The following PPP1R9A variants were observed in gnomAD, a reference collection of about 807,000 sequenced individuals.
PPP1R9A encodes the protein protein phosphatase 1 regulatory subunit 9A, also known as neurabin-1.
In PPP1R9A, 59 loss-of-function variants were observed where a neutral mutation model predicts 141.9. That is an observed-to-expected ratio of 0.42 (90% CI 0.34 to 0.52). The LOEUF is 0.52. Among genes scored for constraint, PPP1R9A ranks in the 20% least tolerant of loss-of-function variants. The pLI, the probability that PPP1R9A is intolerant of heterozygous loss-of-function variation, is 0.10. For synonymous variants in PPP1R9A, 500 were observed against 569.7 expected, an observed-to-expected ratio of 0.88 and a Z score of 1.74; for missense variants, 1,444 against 1,611.9, an observed-to-expected ratio of 0.90 and a Z score of 1.78.
At chr7:94,988,497 G>A (rs920843052) in intron 2 of PPP1R9A, among the ~76,000 whole-genome samples, 2 of 152,008 alleles carry the variant, frequency 1.3e-5, no homozygotes, top group Non-Finnish European at 2.9e-5. Flanking sequence ...TTGGAGGGAT[G>A]AGCCAATTTC....
At chr7:95,111,236 A>C (rs1345745313) in intron 2 of PPP1R9A, 23 bp from the exon 3 acceptor site, 2 of 1,540,598 alleles carry the variant, frequency 1.3e-6, no homozygotes, top group East Asian at 2.3e-5. Context: ...CTGTATTATC[A>C]TCTTGTTGGC....
chr7:95,235,223 A>G (rs1796511732), intron 8 of PPP1R9A, among the ~76,000 whole-genome samples: 1 of 152,182 alleles, frequency 6.6e-6, no homozygotes, highest in African/African-American at 2.4e-5. Flanking sequence ...AGCAGAGTAA[A>G]CAGACAATCC....
At chr7:95,112,771 G>A (rs568537132) in intron 3 of PPP1R9A, among the ~76,000 whole-genome samples, 3 of 151,988 alleles carry the variant, frequency 2.0e-5, no homozygotes, top group Non-Finnish European at 4.4e-5. Context: ...GTCTTTTGCA[G>A]CAACATGGTT....
At chr7:95,283,893 T>C (rs1804758248) in intron 16 of PPP1R9A, 125 bp from the exon 17 acceptor site, 3 of 844,156 alleles carry the variant, frequency 3.6e-6, no homozygotes, top group Non-Finnish European at 5.3e-6. Context: ...GTGCAAACTT[T>C]TTACTCTGTT....
intron 2 of PPP1R9A, among the ~76,000 whole-genome samples, chr7:95,079,346 T>C (rs534286323): frequency 6.6e-6 from 1 of 152,314 alleles, no homozygotes; most frequent in South Asian, 2.1e-4. Flanking sequence ...TCTATATCTC[T>C]GTTTTGGTAC....
chr7:95,192,991 TAATAAC>T (rs975212123), intron 5 of PPP1R9A, among the ~76,000 whole-genome samples: 5 of 152,112 alleles, frequency 3.3e-5, no homozygotes, highest in African/African-American at 1.2e-4. Context: ...AGTTTCATCA[TAATAAC>T]AATAGTGCAT....
In PPP1R9A at chr7:95,132,044, T is replaced by A. The variant is rs186299320; in HGVS notation, c.1649+11212T>A. Among the ~76,000 whole-genome samples the A allele has an allele frequency of 2.6e-4, 40 of 152,340 alleles. No individual in the cohort carries two copies. In the East Asian group the frequency reaches 6.8e-3, roughly 26 times the overall value. On this transcript the variant is annotated intron_variant, in intron 4 of 19. Coordinates refer to ENST00000433360, the MANE Select transcript of PPP1R9A (RefSeq NM_001166160.2). ...CTGATTTTTGTGCATTGATTTTGTC[T>A]CTTAAAACTTTCCTGAAGTTGTTTA...
At position 95,115,930 on chromosome 7, in the gene PPP1R9A, A is replaced by AG. The variant is rs1238016245; in HGVS notation, c.1528+4539_1528+4540insG. On this transcript the variant is annotated intron_variant, in intron 3 of 19. Transcript: ENST00000433360. ...AGACTCTGTCTCAAAAAAAAAAAAA[A>AG]AAAGAAAGAAAGACTCATTAGGATC... is the stretch of plus-strand genomic sequence containing the variant. Among the ~76,000 whole-genome samples, 27 of 151,698 alleles carry AG rather than the reference A, an allele frequency of 1.8e-4. 1 individual carries two copies. The highest frequency in any genetic ancestry group is 5.6e-4 in the African/African-American group (23 of 41,310).
chr7:94,992,515 G>A (rs1801645035), intron 2 of PPP1R9A, among the ~76,000 whole-genome samples: 1 of 152,146 alleles, frequency 6.6e-6, no homozygotes, highest in Admixed American at 6.6e-5. Flanking sequence ...CGTATTGTAG[G>A]TGTATGTTTA....
chr7:94,992,159 C>G (rs1033827062), intron 2 of PPP1R9A, among the ~76,000 whole-genome samples: 2 of 152,210 alleles, frequency 1.3e-5, no homozygotes, highest in Non-Finnish European at 1.5e-5. Flanking sequence ...TCCCTTCCCC[C>G]ACTTCAGACA....
intron 2 of PPP1R9A, among the ~76,000 whole-genome samples, chr7:94,914,900 G>A (rs898101472): frequency 1.3e-5 from 2 of 152,168 alleles, no homozygotes; most frequent in Non-Finnish European, 2.9e-5. Flanking sequence ...CTCTCAGGCT[G>A]TTCCCAACTC....
chr7:95,256,883 GA>G (rs1799663749), intron 12 of PPP1R9A, among the ~76,000 whole-genome samples: 1 of 152,022 alleles, frequency 6.6e-6, no homozygotes, highest in Admixed American at 6.6e-5. Context: ...AGTCAGTGAT[GA>G]ATTTAACAAA....
At chr7:95,030,718 A>G (rs928785596) in intron 2 of PPP1R9A, among the ~76,000 whole-genome samples, 1 of 152,194 alleles carries the variant, frequency 6.6e-6, no homozygotes, top group African/African-American at 2.4e-5. Context: ...GCTGCCAGTA[A>G]TTTGATCGAC....
intron 2 of PPP1R9A, among the ~76,000 whole-genome samples, chr7:95,005,203 A>G (rs978344673): frequency 6.6e-6 from 1 of 151,914 alleles, no homozygotes; most frequent in South Asian, 2.1e-4. Flanking sequence ...TAATTTTTTC[A>G]TTTTTTCCAC....
intron 5 of PPP1R9A, among the ~76,000 whole-genome samples, chr7:95,197,823 A>AT (rs1836510687): frequency 6.6e-6 from 1 of 151,910 alleles, no homozygotes; most frequent in Non-Finnish European, 1.5e-5. Context: ...TAATTTTTGT[A>AT]TTTTTAGTAG....
intron 3 of PPP1R9A, among the ~76,000 whole-genome samples, chr7:95,113,090 G>A (rs1820851423): frequency 6.6e-6 from 1 of 152,124 alleles, no homozygotes; most frequent in South Asian, 2.1e-4. Context: ...TTTAAAAAAA[G>A]ACGTTCTTGA....
At chr7:94,952,318 G>A (rs987298449) in intron 2 of PPP1R9A, among the ~76,000 whole-genome samples, 3 of 152,180 alleles carry the variant, frequency 2.0e-5, no homozygotes, top group Non-Finnish European at 4.4e-5. Flanking sequence ...ATTCCATGGT[G>A]TATATGTGGC....
At chr7:95,074,132 T>C (rs1814452988) in intron 2 of PPP1R9A, among the ~76,000 whole-genome samples, 1 of 152,202 alleles carries the variant, frequency 6.6e-6, no homozygotes, top group Non-Finnish European at 1.5e-5. Flanking sequence ...ACAATACAAA[T>C]GTCTATCTCA....
At chr7:95,195,444 CTT>C (rs771744539) in intron 5 of PPP1R9A, among the ~76,000 whole-genome samples, 65 of 130,818 alleles carry the variant, frequency 5.0e-4, no homozygotes, top group Middle Eastern at 4.0e-3. Context: ...CCACACCTGG[CTT>C]TTTTTTTTTT....
Sources: allele counts gnomAD v4.1 joint callset (sites outside exome capture counted in the v4.1 genomes callset), GRCh38; gene constraint gnomAD v4.1.1; transcripts MANE v1.5; gene names NCBI Gene and HGNC (gene_info 2026-07-23, HGNC 2026-07-21).